MBNL1: variants seen among roughly 807,000 people sequenced by gnomAD.
MBNL1 encodes the protein muscleblind like splicing regulator 1.
MBNL1 carries 8 observed loss-of-function variants against 42.2 expected under a neutral mutation model. The ratio of observed to expected loss-of-function variants is 0.19; its 90% CI spans 0.11 to 0.34. The LOEUF is 0.34. Ranked by LOEUF, MBNL1 falls within the 10% of genes least tolerant of loss-of-function variation. The pLI is 1.00. For synonymous variants in MBNL1, 169 were observed against 173.9 expected (o/e 0.97, Z 0.22); for missense variants, 309 against 495.3 (o/e 0.62, Z 3.57).
At chr3:152,364,076 C>T (rs2096194063) in intron 2 of MBNL1, among the ~76,000 whole-genome samples, 2 of 152,106 alleles carry the variant, frequency 1.3e-5, no homozygotes, top group East Asian at 1.9e-4. Context: ...CCCTACAATA[C>T]ATTAAATTCA....
intron 4 of MBNL1, 117 bp downstream of exon 4, chr3:152,433,037 G>A: frequency 1.1e-6 from 1 of 906,032 alleles, no homozygotes; most frequent in Admixed American, 2.7e-5. Flanking sequence ...AACAGATTTT[G>A]GCTTAGGGTT....
At chr3:152,350,286 C>T (rs938681259) in intron 2 of MBNL1, among the ~76,000 whole-genome samples, 1 of 152,102 alleles carries the variant, frequency 6.6e-6, no homozygotes, top group African/African-American at 2.4e-5. Flanking sequence ...GTTAAAAGGA[C>T]AGTAGTAATC....
In MBNL1 at chr3:152,386,485, G is replaced by A. The variant is rs1978762; in HGVS notation, c.175-28456G>A. ...GCACTCTCAAGTGGATTTTTCTTGG[G>A]TACATTGAATTGTTAGAAATGCTTC... On this transcript the variant is annotated intron_variant, in intron 2 of 9. Coordinates refer to ENST00000324210, the MANE Select transcript of MBNL1 (RefSeq NM_021038.5). Among the ~76,000 whole-genome samples the A allele has an allele frequency of 9.2e-4, 140 of 152,142 alleles. 1 individual carries two copies. The highest frequency in any genetic ancestry group is 3.1e-3 in the African/African-American group (130 of 41,544).
chr3:152,424,008 A>T (rs1019852183), intron 3 of MBNL1, among the ~76,000 whole-genome samples: 18 of 151,902 alleles, frequency 1.2e-4, no homozygotes, highest in African/African-American at 4.4e-4. Context: ...ATTCCCTTTG[A>T]AAACTGGCAC....
intron 2 of MBNL1, among the ~76,000 whole-genome samples, chr3:152,341,301 C>T (rs1021500620): frequency 1.3e-5 from 2 of 152,160 alleles, no homozygotes; most frequent in African/African-American, 4.8e-5. Flanking sequence ...ATTTCTAGAA[C>T]TCTTAAATTC....
intron 3 of MBNL1, among the ~76,000 whole-genome samples, chr3:152,427,768 TA>T (rs1215925332): frequency 6.6e-6 from 1 of 150,522 alleles, no homozygotes; most frequent in Non-Finnish European, 1.5e-5. Flanking sequence ...TTAAAAATTT[TA>T]AAAAATATTT....
chr3:152,463,663 A>G lies in MBNL1; in HGVS notation c.*1297A>G, dbSNP rs1049268781. 11 of 152,460 alleles carry G rather than the reference A, an allele frequency of 7.2e-5. No homozygotes were observed. The highest frequency in any genetic ancestry group is 2.7e-4 in the African/African-American group (11 of 41,438). 9.4% of individuals were successfully genotyped at this position (152,460 alleles called of 1,614,324 possible). On this transcript the variant is annotated 3_prime_UTR_variant, in exon 10 of 10. Transcript: ENST00000324210. ...TTTGTTTTGTTCAGATTAACTGCTTATAGCCTTAGAAAGCCTTTTACAAAA... is the reference window on the plus strand; with the variant it reads ...TTTGTTTTGTTCAGATTAACTGCTTGTAGCCTTAGAAAGCCTTTTACAAAA...
At chr3:152,350,740 A>G (rs1248043828) in intron 2 of MBNL1, among the ~76,000 whole-genome samples, 1 of 152,006 alleles carries the variant, frequency 6.6e-6, no homozygotes, top group African/African-American at 2.4e-5. Context: ...CCCTAATACT[A>G]CCTGCATTTT....
chr3:152,348,252 C>G (rs1460478295), intron 2 of MBNL1, among the ~76,000 whole-genome samples: 2 of 151,992 alleles, frequency 1.3e-5, no homozygotes, highest in Non-Finnish European at 2.9e-5. Context: ...ATAGAAGTTG[C>G]TATATCAACA....
chr3:152,332,739 T>TGTGTGTGTGTGCGC (rs1256022678), intron 2 of MBNL1, among the ~76,000 whole-genome samples: 4 of 115,646 alleles, frequency 3.5e-5, no homozygotes, highest in Admixed American at 8.0e-5. Context: ...TGTGTGTGTG[T>TGTGTGTGTGTGCGC]GCGCGCGCGC....
chr3:152,457,488 A>G (rs753609182), intron 8 of MBNL1, among the ~76,000 whole-genome samples: 1 of 152,264 alleles, frequency 6.6e-6, no homozygotes, highest in Non-Finnish European at 1.5e-5. Context: ...GATGAAGAAC[A>G]TTCAGCTATT....
intron 2 of MBNL1, among the ~76,000 whole-genome samples, chr3:152,360,297 A>G (rs1262697128): frequency 6.6e-6 from 1 of 152,186 alleles, no homozygotes; most frequent in East Asian, 1.9e-4. Flanking sequence ...CAAAAGCCCC[A>G]CACCCTTATC....
At chr3:152,318,660 CAG>C (rs2073983139) in intron 2 of MBNL1, among the ~76,000 whole-genome samples, 1 of 152,138 alleles carries the variant, frequency 6.6e-6, no homozygotes, top group African/African-American at 2.4e-5. Context: ...ACTGTTCACC[CAG>C]AGACATAGTG....
intron 2 of MBNL1, among the ~76,000 whole-genome samples, chr3:152,409,730 T>C (rs1162709067): frequency 6.6e-6 from 1 of 152,214 alleles, no homozygotes; most frequent in Non-Finnish European, 1.5e-5. Context: ...TGCTCCTTTA[T>C]TTCCAGAGTC....
At chr3:152,389,957 C>T (rs2097626015) in intron 2 of MBNL1, among the ~76,000 whole-genome samples, 2 of 152,022 alleles carry the variant, frequency 1.3e-5, no homozygotes, top group African/African-American at 4.8e-5. Flanking sequence ...CTCACTGCAA[C>T]ATATGCCTCC....
intron 2 of MBNL1, among the ~76,000 whole-genome samples, chr3:152,313,589 C>T (rs2068423626): frequency 6.6e-6 from 1 of 152,080 alleles, no homozygotes; most frequent in African/African-American, 2.4e-5. Context: ...CTAACGGTAG[C>T]CGTTTGTATT....
At position 152,296,970 on chromosome 3, in the gene MBNL1, A is replaced by C. The variant is rs561011126; in HGVS notation, c.-789-2435A>C. Among the ~76,000 whole-genome samples the C allele has an allele frequency of 2.6e-5, 4 of 152,330 alleles. No homozygotes were observed. In the East Asian group the frequency reaches 7.7e-4, roughly 29 times the overall value. The stretch of plus-strand genomic sequence containing the variant: ...AAGGAAATAAAACACTGTATAGGGC[A>C]TAGGTGCAGAGATAATTCAGAGAAG... On this transcript the variant is annotated intron_variant, in intron 1 of 9. Transcript: ENST00000324210.
rs981027722 is a variant in MBNL1 at position 152,343,689 on chromosome 3, C to T, written c.174+43322C>T. 3.9e-5 allele frequency among the ~76,000 whole-genome samples: 6 copies of T among 152,042 alleles called. No homozygotes were observed. The East Asian group carries it at 7.7e-4, about 20-fold the overall frequency. On this transcript the variant is annotated intron_variant, in intron 2 of 9. Transcript: ENST00000324210. ...TGAGGGTGCATAACATTTGTAATGA[C>T]GGGTTTAGGAACTCAGTAAACTGAA...
At chr3:152,403,205 T>TAAA (rs36081596) in intron 2 of MBNL1, among the ~76,000 whole-genome samples, 15 of 150,778 alleles carry the variant, frequency 9.9e-5, no homozygotes, top group African/African-American at 3.7e-4. Context: ...TCTGGTTTGT[T>TAAA]AAAAAAAAAA....
Sources: allele counts gnomAD v4.1 joint callset (sites outside exome capture counted in the v4.1 genomes callset), GRCh38; gene constraint gnomAD v4.1.1; transcripts MANE v1.5; gene names NCBI Gene and HGNC (gene_info 2026-07-23, HGNC 2026-07-21).